The following ERC1 variants were observed in gnomAD, a reference collection of about 807,000 sequenced individuals.
ERC1 encodes the protein ELKS/RAB6-interacting/CAST family member 1.
A neutral mutation model predicts 132.0 loss-of-function variants in ERC1; 56 were observed. That is an observed-to-expected ratio of 0.42 (90% CI 0.34 to 0.53). The LOEUF (loss-of-function observed/expected upper bound fraction) is 0.53. Among genes scored for constraint, ERC1 ranks in the 20% least tolerant of loss-of-function variants. The pLI is 0.03. For synonymous variants in ERC1, 478 were observed against 476.1 expected, an observed-to-expected ratio of 1.00 and a Z score of -0.05; for missense variants, 1,202 against 1,349.9, an observed-to-expected ratio of 0.89 and a Z score of 1.72.
At chr12:1,304,865 C>CT (rs1489367780) in intron 15 of ERC1, among the ~76,000 whole-genome samples, 1 of 139,408 alleles carries the variant, frequency 7.2e-6, no homozygotes, top group Non-Finnish European at 1.5e-5. Context: ...TCTCGGCTCA[C>CT]TGCAAGCTCC....
At chr12:1,001,397 A>T (rs1962239982) in intron 1 of ERC1, among the ~76,000 whole-genome samples, 1 of 152,216 alleles carries the variant, frequency 6.6e-6, no homozygotes, top group African/African-American at 2.4e-5. Context: ...GTAGAAAAGT[A>T]TGTAAAACAA....
chr12:1,325,680 A>G (rs1319627165), intron 15 of ERC1, among the ~76,000 whole-genome samples: 5 of 152,176 alleles, frequency 3.3e-5, no homozygotes, highest in Admixed American at 3.3e-4. Flanking sequence ...AGAATTGACC[A>G]TGCCATTTAT....
chr12:1,141,898 A>G, intron 8 of ERC1, 111 bp downstream of exon 8: 1 of 852,402 alleles, frequency 1.2e-6, no homozygotes, highest in Non-Finnish European at 1.7e-6. Flanking sequence ...TTCAGTTTAT[A>G]TTTTTGTGAT....
At chr12:1,093,550 A>G (rs1167910239) in intron 3 of ERC1, among the ~76,000 whole-genome samples, 1 of 152,198 alleles carries the variant, frequency 6.6e-6, no homozygotes, top group African/African-American at 2.4e-5. Flanking sequence ...CCAACTAAAT[A>G]ATATATTTCA....
intron 15 of ERC1, among the ~76,000 whole-genome samples, chr12:1,335,243 G>T (rs2083215237): frequency 6.6e-6 from 1 of 152,090 alleles, no homozygotes; most frequent in Non-Finnish European, 1.5e-5. Flanking sequence ...TGATTGCCCT[G>T]TCCAGGACCT....
intron 17 of ERC1, among the ~76,000 whole-genome samples, chr12:1,441,641 G>A (rs73597983): frequency 0.021 from 3,148 of 152,170 alleles, 106 homozygotes; most frequent in African/African-American, 0.072. Context: ...ACAAACATGC[G>A]CGTGTGCACC....
At chr12:1,130,253 C>G (rs1273937817) in intron 7 of ERC1, among the ~76,000 whole-genome samples, 3 of 152,118 alleles carry the variant, frequency 2.0e-5, no homozygotes, top group Admixed American at 6.6e-5. Context: ...AATTCCAGCA[C>G]TTTGGAAGGC....
chr12:1,156,607 G>A (rs1224744203), intron 8 of ERC1, among the ~76,000 whole-genome samples: 1 of 152,162 alleles, frequency 6.6e-6, no homozygotes, highest in African/African-American at 2.4e-5. Flanking sequence ...TTGTATGCGT[G>A]TAAAATGTCG....
chr12:1,059,038 T>C (rs1323851094), intron 2 of ERC1, among the ~76,000 whole-genome samples: 2 of 152,188 alleles, frequency 1.3e-5, no homozygotes, highest in Admixed American at 6.5e-5. Flanking sequence ...TAATTTTCAT[T>C]GTAGAGCTCT....
At chr12:1,249,491 T>G (rs947491178) in intron 13 of ERC1, among the ~76,000 whole-genome samples, 4 of 151,908 alleles carry the variant, frequency 2.6e-5, no homozygotes, top group Admixed American at 1.3e-4. Flanking sequence ...TTAGTTTGTT[T>G]CTGCATTGAT....
At position 1,241,822 on chromosome 12, in the gene ERC1, C is replaced by T. The variant is rs563674597; in HGVS notation, c.2487+4918C>T. ...CTAGATTCATTGTTTTGTCTTTAAT[C>T]CAATTTTTTGCATTTCTTCTTCTTC... On this transcript the variant is annotated intron_variant, in intron 13 of 18. Coordinates refer to ENST00000360905, the MANE Select transcript of ERC1 (RefSeq NM_178040.4). Among the ~76,000 whole-genome samples, 191 of 147,400 alleles carry T rather than the reference C, an allele frequency of 1.3e-3. 1 individual carries two copies. Among genetic ancestry groups the T allele is most frequent in the Non-Finnish European group, 1.6e-3 (105 of 66,988 alleles).
intron 7 of ERC1, among the ~76,000 whole-genome samples, chr12:1,136,887 T>G (rs904419069): frequency 5.9e-5 from 9 of 152,094 alleles, no homozygotes; most frequent in Non-Finnish European, 1.2e-4. Context: ...ATTCAGACAT[T>G]TATTCTTTTA....
intron 14 of ERC1, among the ~76,000 whole-genome samples, chr12:1,276,197 G>C (rs2078248351): frequency 6.6e-6 from 1 of 151,650 alleles, no homozygotes; most frequent in South Asian, 2.1e-4. Context: ...TTCCAAGTCT[G>C]AGTTACATGT....
intron 15 of ERC1, among the ~76,000 whole-genome samples, chr12:1,358,145 G>A: frequency 6.6e-6 from 1 of 151,088 alleles, no homozygotes; most frequent in East Asian, 1.9e-4. Context: ...TGAGGCTACA[G>A]TGAGCTGCGA....
At chr12:1,057,431 A>G (rs917040690) in intron 2 of ERC1, among the ~76,000 whole-genome samples, 3 of 152,164 alleles carry the variant, frequency 2.0e-5, no homozygotes, top group East Asian at 3.9e-4. Flanking sequence ...CAGCCTGTAT[A>G]TCTTCTTTTG....
intron 7 of ERC1, among the ~76,000 whole-genome samples, chr12:1,127,563 C>T (rs10082785): frequency 0.24 from 36,857 of 150,464 alleles, 4,706 homozygotes; most frequent in African/African-American, 0.32. Flanking sequence ...AGTGCGATGG[C>T]GCAGTCTCGG....
chr12:1,440,274 G>GTA, intron 17 of ERC1, among the ~76,000 whole-genome samples: 1 of 135,116 alleles, frequency 7.4e-6, no homozygotes, highest in African/African-American at 2.8e-5. Flanking sequence ...GTGCCATCTC[G>GTA]GCTCACTGCA....
intron 7 of ERC1, among the ~76,000 whole-genome samples, chr12:1,122,893 C>G (rs117793186): frequency 0.027 from 4,117 of 152,162 alleles, 93 homozygotes; most frequent in Non-Finnish European, 0.043. Context: ...GGTAGACTGG[C>G]TTTGGAGTGC....
intron 2 of ERC1, among the ~76,000 whole-genome samples, chr12:1,046,706 C>T (rs575579723): frequency 6.6e-6 from 1 of 152,170 alleles, no homozygotes; most frequent in Admixed American, 6.5e-5. Flanking sequence ...GTTTTATGTG[C>T]TCTATGTTAT....
Sources: gnomAD v4.1 joint callset for allele counts (sites outside exome capture counted in the v4.1 genomes callset) on GRCh38, gnomAD v4.1.1 for gene constraint, MANE v1.5 for transcripts, NCBI Gene and HGNC (gene_info 2026-07-23, HGNC 2026-07-21) for gene names.